The following STX17 variants were observed in gnomAD, a reference collection of about 807,000 sequenced individuals.
STX17 encodes syntaxin-17.
A neutral mutation model predicts 35.9 loss-of-function variants in STX17; 29 were observed. That is an observed-to-expected ratio of 0.81 (90% CI 0.60 to 1.10). The LOEUF (loss-of-function observed/expected upper bound fraction) is 1.10, where lower values mean the gene tolerates loss of function less well. STX17 is among the 50% of genes least tolerant of loss of function. The pLI is 0.00. For missense variants in STX17, 312 were observed against 352.3 expected (o/e 0.89, Z 0.92); for synonymous variants, 92 against 118.3 (o/e 0.78, Z 1.44).
chr9:99,928,888 A>T (rs1829048589), intron 3 of STX17, 45 bp downstream of exon 3: 1 of 1,574,386 alleles, frequency 6.4e-7, no homozygotes. Context: ...TGAAAAAGAC[A>T]GTCTTAAGAC....
intron 1 of STX17, among the ~76,000 whole-genome samples, chr9:99,909,969 A>G (rs989359420): frequency 6.6e-6 from 1 of 152,210 alleles, no homozygotes; most frequent in Non-Finnish European, 1.5e-5. Flanking sequence ...ATGGTGCCTC[A>G]CACTTGTAAT....
chr9:99,940,027 C>T (rs1048580680), intron 3 of STX17, among the ~76,000 whole-genome samples: 3 of 152,214 alleles, frequency 2.0e-5, no homozygotes, highest in Admixed American at 1.3e-4. Flanking sequence ...CTTTGTTTTA[C>T]AAGTCTCTTA....
rs572107432 is a variant in STX17 at position 99,951,345 on chromosome 9, C to G, written c.415+60C>G. ...AGTAGTGCAGTTAATTAAAGATCACCTCCTTGAGTAGATACTGAATTATCT... is the reference window on the plus strand; with the variant it reads ...AGTAGTGCAGTTAATTAAAGATCACGTCCTTGAGTAGATACTGAATTATCT... On this transcript the variant is annotated intron_variant, in intron 4 of 7. Coordinates refer to ENST00000259400, the MANE Select transcript of STX17 (RefSeq NM_017919.3). 4.1e-6 allele frequency: 6 copies of G among 1,472,696 alleles called. No homozygotes were observed. In the African/African-American group the frequency reaches 8.4e-5, roughly 21 times the overall value. The allele number at this position is 1,472,696 out of a possible 1,614,324, so 91.2% of individuals were successfully genotyped here.
chr9:99,938,678 T>C (rs973991447), intron 3 of STX17, among the ~76,000 whole-genome samples: 4 of 151,882 alleles, frequency 2.6e-5, no homozygotes, highest in Non-Finnish European at 5.9e-5. Context: ...GTCCAGCTGC[T>C]TGGGAGGCTG....
At chr9:99,910,237 C>CA (rs1327135277) in intron 1 of STX17, among the ~76,000 whole-genome samples, 41 of 104,686 alleles carry the variant, frequency 3.9e-4, no homozygotes, top group South Asian at 3.4e-3. Flanking sequence ...CGTCTCAAAA[C>CA]AAAAAAAAAG....
chr9:99,952,714 G>C (rs1349083832), intron 4 of STX17, among the ~76,000 whole-genome samples: 1 of 152,094 alleles, frequency 6.6e-6, no homozygotes, highest in Non-Finnish European at 1.5e-5. Context: ...AAAATGATGA[G>C]TTCATGTCCT....
intron 4 of STX17, among the ~76,000 whole-genome samples, chr9:99,959,041 C>A (rs1193342748): frequency 1.3e-5 from 2 of 152,164 alleles, no homozygotes; most frequent in Non-Finnish European, 2.9e-5. Flanking sequence ...GCTTTCAACA[C>A]CTTCTGTATC....
chr9:99,913,853 A>G (rs922678700), intron 1 of STX17: 2 of 152,196 alleles, frequency 1.3e-5, no homozygotes, highest in African/African-American at 4.8e-5. Context: ...ACACATCAAG[A>G]TTTTCAACTG....
intron 6 of STX17, among the ~76,000 whole-genome samples, chr9:99,961,370 T>C (rs910890859): frequency 6.6e-6 from 1 of 152,178 alleles, no homozygotes; most frequent in Non-Finnish European, 1.5e-5. Flanking sequence ...AGCTGAGAGA[T>C]ATTTCTGGGG....
chr9:99,958,031 A>C (rs901265266), intron 4 of STX17, among the ~76,000 whole-genome samples: 2 of 152,160 alleles, frequency 1.3e-5, no homozygotes, highest in Admixed American at 6.5e-5. Flanking sequence ...TAATAGTAAC[A>C]TATTGATCTT....
chr9:99,947,310 A>G (rs1247588572), intron 3 of STX17, among the ~76,000 whole-genome samples: 2 of 152,108 alleles, frequency 1.3e-5, no homozygotes, highest in African/African-American at 2.4e-5. Context: ...ATAGTTTCCA[A>G]TTGTCTGCTA....
intron 3 of STX17, among the ~76,000 whole-genome samples, chr9:99,949,684 T>C (rs1829553621): frequency 6.6e-6 from 1 of 152,046 alleles, no homozygotes; most frequent in Non-Finnish European, 1.5e-5. Flanking sequence ...GCATTAATAT[T>C]GTGAAAACAC....
Position 99,971,766 on chromosome 9 carries a change from A to G in STX17, c.*3093A>G, listed in dbSNP as rs1383249352. Among the ~76,000 whole-genome samples the G allele has an allele frequency of 6.6e-6, 1 of 152,198 alleles. No homozygotes were observed. The highest frequency in any genetic ancestry group is 2.4e-5 in the African/African-American group (1 of 41,458). ...TTGGGGGCAGGGGCTCATGCCTGCA[A>G]TCCCAGCACTTAGGGAGGCAGAGGC... is the stretch of plus-strand genomic sequence containing the variant. On this transcript the variant is annotated 3_prime_UTR_variant, in exon 8 of 8. Transcript: ENST00000259400.
intron 1 of STX17, 131 bp from the exon 2 acceptor site, chr9:99,915,047 C>A (rs941289781): frequency 7.0e-6 from 3 of 430,106 alleles, no homozygotes; most frequent in South Asian, 7.2e-5. Context: ...AAGAAAAAAA[C>A]AAGTCACTCA....
intron 3 of STX17, among the ~76,000 whole-genome samples, chr9:99,946,938 A>G (rs574849664): frequency 2.6e-5 from 4 of 151,662 alleles, no homozygotes; most frequent in African/African-American, 9.7e-5. Flanking sequence ...GGCTAGGTGT[A>G]TTTTTCCTTT....
chr9:99,909,720 G>A (rs1347469256), intron 1 of STX17, among the ~76,000 whole-genome samples: 3 of 152,014 alleles, frequency 2.0e-5, no homozygotes, highest in East Asian at 1.9e-4. Flanking sequence ...CTTGATAGCC[G>A]AACAGGGTGA....
chr9:99,933,545 A>T (rs1829168315), intron 3 of STX17, among the ~76,000 whole-genome samples: 1 of 152,040 alleles, frequency 6.6e-6, no homozygotes, highest in Non-Finnish European at 1.5e-5. Context: ...TGAATATGGG[A>T]TATTCTTGCA....
intron 1 of STX17, among the ~76,000 whole-genome samples, chr9:99,912,080 G>A (rs1352395552): frequency 6.6e-6 from 1 of 152,166 alleles, no homozygotes; most frequent in Non-Finnish European, 1.5e-5. Flanking sequence ...CAAAAAATTA[G>A]CTGGGCGTGG....
At chr9:99,933,927 T>G (rs1829176246) in intron 3 of STX17, among the ~76,000 whole-genome samples, 1 of 152,188 alleles carries the variant, frequency 6.6e-6, no homozygotes, top group Non-Finnish European at 1.5e-5. Flanking sequence ...TAATAGAGGA[T>G]TCTGAAAAGT....
Sources: allele counts gnomAD v4.1 joint callset (sites outside exome capture counted in the v4.1 genomes callset), GRCh38; gene constraint gnomAD v4.1.1; transcripts MANE v1.5; gene names NCBI Gene and HGNC (gene_info 2026-07-23, HGNC 2026-07-21).